Variants in PRKCE observed in about 807,000 individuals in gnomAD.
PRKCE encodes protein kinase C epsilon.
In PRKCE, 16 loss-of-function variants were observed where a neutral mutation model predicts 85.4. That is an observed-to-expected ratio of 0.19 (90% confidence interval 0.13 to 0.28). The LOEUF is 0.28. Among genes scored for constraint, PRKCE ranks in the 10% least tolerant of loss-of-function variants. The pLI is 1.00. For missense variants in PRKCE, 573 were observed against 975.2 expected (o/e 0.59, Z 5.49); for synonymous variants, 388 against 371.5 (o/e 1.04, Z -0.51).
rs142923637 is a variant in PRKCE, at chr2:45,702,947, G to T, written c.348+50499G>T. 1.8e-3 allele frequency among the ~76,000 whole-genome samples: 280 copies of T among 152,232 alleles called. 1 individual carries two copies. Among genetic ancestry groups the T allele is most frequent in the African/African-American group, 6.5e-3 (270 of 41,538 alleles). ...GGGCTTAGTGTTCCGGAGATCAGCT[G>T]CTAAGGCCATAGCTAACAGCCTCGG... On this transcript the variant is annotated intron_variant, in intron 1 of 14. Coordinates refer to ENST00000306156, the MANE Select transcript of PRKCE (RefSeq NM_005400.3).
chr2:45,993,341 T>C (rs1703962266), intron 6 of PRKCE, among the ~76,000 whole-genome samples: 1 of 152,210 alleles, frequency 6.6e-6, no homozygotes, highest in Non-Finnish European at 1.5e-5. Context: ...TCCTCACCAC[T>C]TTGCCCTGGC....
At chr2:45,940,831 GGC>G (rs1420493901) in intron 2 of PRKCE, among the ~76,000 whole-genome samples, 1 of 152,034 alleles carries the variant, frequency 6.6e-6, no homozygotes, top group Non-Finnish European at 1.5e-5. Flanking sequence ...AGCCAAAGCA[GGC>G]AGATCACTTG....
chr2:46,106,084 C>A (rs1015021296), intron 11 of PRKCE, among the ~76,000 whole-genome samples: 3 of 152,076 alleles, frequency 2.0e-5, no homozygotes, highest in African/African-American at 7.2e-5. Flanking sequence ...GGTTTGTCTG[C>A]AAGTTTTTTC....
Position 46,186,539 on chromosome 2 carries a change from G to C in PRKCE, c.*1658G>C, listed in dbSNP as rs1013869875. 8 of 152,494 alleles carry C rather than the reference G, an allele frequency of 5.2e-5. No individual in the cohort carries two copies. Among genetic ancestry groups the C allele is most frequent in the African/African-American group, 1.7e-4 (7 of 41,388 alleles). The allele number at this position is 152,494 out of a possible 1,614,324, so 9.4% of individuals were successfully genotyped here. A position where few individuals can be genotyped will look rare whatever the true frequency, so the allele number is the denominator to read the frequency against. On this transcript the variant is annotated 3_prime_UTR_variant, in exon 15 of 15. Coordinates refer to ENST00000306156, the MANE Select transcript of PRKCE (RefSeq NM_005400.3). The stretch of plus-strand genomic sequence containing the variant: ...ATACTCTGTAAGTCTATTGGTTCAA[G>C]TTACCGAGAGATAGGTGTGTTCCTT...
intron 11 of PRKCE, among the ~76,000 whole-genome samples, chr2:46,113,967 C>T (rs1319515641): frequency 1.3e-5 from 2 of 152,156 alleles, no homozygotes; most frequent in East Asian, 3.8e-4. Flanking sequence ...TATTCATCTT[C>T]CTTTGTTTCA....
At chr2:46,021,225 C>G (rs919694546) in intron 10 of PRKCE, among the ~76,000 whole-genome samples, 3 of 152,118 alleles carry the variant, frequency 2.0e-5, no homozygotes, top group African/African-American at 7.2e-5. Context: ...AGGAAGACAA[C>G]CTTGTGAGGA....
At chr2:45,866,598 C>T (rs541103578) in intron 2 of PRKCE, among the ~76,000 whole-genome samples, 10 of 152,368 alleles carry the variant, frequency 6.6e-5, no homozygotes, top group African/African-American at 2.2e-4. Context: ...TGAGCCACCA[C>T]GCCCTGCCTG....
chr2:45,898,253 G>C (rs931952322), intron 2 of PRKCE, among the ~76,000 whole-genome samples: 1 of 152,188 alleles, frequency 6.6e-6, no homozygotes, highest in African/African-American at 2.4e-5. Flanking sequence ...GGGGAGTTAA[G>C]CTTCACCTCT....
At chr2:45,977,620 CAG>C (rs1248652785) in intron 3 of PRKCE, among the ~76,000 whole-genome samples, 2 of 148,080 alleles carry the variant, frequency 1.4e-5, no homozygotes, top group Non-Finnish European at 3.0e-5. Flanking sequence ...CTGGGTGTGA[CAG>C]AGTGAGACTC....
At chr2:45,997,566 A>T (rs1704320183) in intron 6 of PRKCE, among the ~76,000 whole-genome samples, 1 of 151,350 alleles carries the variant, frequency 6.6e-6, no homozygotes, top group African/African-American at 2.4e-5. Flanking sequence ...TATTTTTTTG[A>T]GACAGAGTCT....
Position 45,903,915 on chromosome 2 carries a change from G to GTTT in PRKCE, c.412+60858_412+60860dup, listed in dbSNP as rs57203202. Among the ~76,000 whole-genome samples the GTTT allele has an allele frequency of 6.4e-5, 6 of 93,698 alleles. No individual in the cohort carries two copies. The East Asian group carries it at 1.3e-3, about 20-fold the overall frequency. 61.5% of individuals were successfully genotyped at this position (93,698 alleles called of 152,430 possible). On this transcript the variant is annotated intron_variant, in intron 2 of 14. Transcript: ENST00000306156. Reference sequence around the variant, plus strand: ...TGTTTGTTTGTTTGTTTGTTTGTTTGTTTTTTTTGGCAGGGTCTCACTCTG... The same window carrying GTTT: ...TGTTTGTTTGTTTGTTTGTTTGTTTGTTTTTTTTTTTGGCAGGGTCTCACTCTG...
In PRKCE at chr2:45,907,059, C is replaced by T. The variant is rs1697033079; in HGVS notation, c.412+63996C>T. ...CCCCAGTTGCTCCAAAATTAGGCGT[C>T]GGAGGTCTAAGTGGTATAGACGGAA... On this transcript the variant is annotated intron_variant, in intron 2 of 14. Transcript: ENST00000306156. This position sits in a 1 kb window ranked among gnomAD's most constrained non-coding sequence, Gnocchi z 4.5. Among the ~76,000 whole-genome samples, 2 of 149,710 alleles carry T rather than the reference C, an allele frequency of 1.3e-5. No individual in the cohort carries two copies. The highest frequency in any genetic ancestry group is 2.4e-5 in the African/African-American group (1 of 41,286).
chr2:46,046,500 C>G (rs1708531507), intron 10 of PRKCE, among the ~76,000 whole-genome samples: 1 of 152,206 alleles, frequency 6.6e-6, no homozygotes, highest in Admixed American at 6.5e-5. Flanking sequence ...GGGGCTGCTT[C>G]TGCATGTTCA....
chr2:45,958,378 G>A (rs1200526990), intron 2 of PRKCE, among the ~76,000 whole-genome samples: 7 of 150,908 alleles, frequency 4.6e-5, no homozygotes, highest in South Asian at 2.1e-4. Flanking sequence ...GCGTGGTGGC[G>A]GGCGCCTGTA....
At chr2:45,760,410 A>C (rs1684367559) in intron 1 of PRKCE, among the ~76,000 whole-genome samples, 1 of 152,212 alleles carries the variant, frequency 6.6e-6, no homozygotes, top group South Asian at 2.1e-4. Flanking sequence ...AAAGTCTACC[A>C]ACTCTTCAGG....
intron 14 of PRKCE, among the ~76,000 whole-genome samples, chr2:46,182,540 C>A (rs569884206): frequency 6.6e-6 from 1 of 152,280 alleles, no homozygotes; most frequent in African/African-American, 2.4e-5. Context: ...TTCTGGGGAT[C>A]CCTTGGGTTT....
intron 1 of PRKCE, among the ~76,000 whole-genome samples, chr2:45,764,951 C>A (rs1293117022): frequency 1.3e-5 from 2 of 152,272 alleles, no homozygotes; most frequent in Admixed American, 6.5e-5. Context: ...TCTCTCAGGT[C>A]TCTCCTTGAC....
intron 1 of PRKCE, among the ~76,000 whole-genome samples, chr2:45,837,756 C>A (rs1573554642): frequency 1.3e-5 from 2 of 152,130 alleles, no homozygotes; most frequent in East Asian, 3.9e-4. Flanking sequence ...CGCCTGTAAT[C>A]CCAGCACTCT....
intron 10 of PRKCE, among the ~76,000 whole-genome samples, chr2:46,028,878 T>G (rs1245310077): frequency 6.6e-6 from 1 of 152,214 alleles, no homozygotes; most frequent in East Asian, 1.9e-4. Context: ...TGCTCATCAT[T>G]TAGCTCTCAC....
Sources: allele counts gnomAD v4.1 joint callset (sites outside exome capture counted in the v4.1 genomes callset), GRCh38; gene constraint gnomAD v4.1.1; non-coding constraint Gnocchi (gnomAD v3.1); transcripts MANE v1.5; gene names NCBI Gene and HGNC (gene_info 2026-07-23, HGNC 2026-07-21).